DNAJB1: variants seen among roughly 807,000 people sequenced by gnomAD.
DNAJB1 encodes the protein dnaJ homolog subfamily B member 1.
DNAJB1 carries 14 observed loss-of-function variants against 24.0 expected under a neutral mutation model. The ratio of observed to expected loss-of-function variants is 0.58; its 90% confidence interval spans 0.39 to 0.91. The LOEUF is 0.91. DNAJB1 is among the 40% of genes least tolerant of loss of function. The pLI, the probability that DNAJB1 is intolerant of heterozygous loss-of-function variation, is 0.00. For missense variants in DNAJB1, 517 were observed against 458.1 expected, an observed-to-expected ratio of 1.13 and a Z score of -1.17; for synonymous variants, 262 against 174.4, an observed-to-expected ratio of 1.50 and a Z score of -3.96.
At chr19:14,559,561 TG>T (rs2073843634) in intron 1 of DNAJB1, among the ~76,000 whole-genome samples, 1 of 151,936 alleles carries the variant, frequency 6.6e-6, no homozygotes, top group South Asian at 2.1e-4. Context: ...GCCGAGGTGG[TG>T]GATTGCCTGA....
upstream of DNAJB1, chr19:14,530,901 A>T (rs1346929498): frequency 6.6e-6 from 1 of 152,212 alleles, no homozygotes; most frequent in African/African-American, 2.4e-5. Context: ...TGCATCTTGG[A>T]AAACAGAAGC....
At chr19:14,532,834 G>A (rs567175310), upstream of DNAJB1, among the ~76,000 whole-genome samples, 1 of 152,342 alleles carries the variant, frequency 6.6e-6, no homozygotes, top group Admixed American at 6.5e-5. Context: ...TTCTGGCCGG[G>A]CGAGGTGGCT....
At position 14,515,876 on chromosome 19, in the gene DNAJB1, GA is replaced by G; in HGVS notation, c.*63del. 1 of 1,505,694 alleles carries G rather than the reference GA, an allele frequency of 6.6e-7. No individual in the cohort carries two copies. The allele number at this position is 1,505,694 out of a possible 1,614,324, so 93.3% of individuals were successfully genotyped here. A position where few individuals can be genotyped will look rare whatever the true frequency, so the allele number is the denominator to read the frequency against. On this transcript the variant is annotated 3_prime_UTR_variant, in exon 3 of 3. Coordinates refer to ENST00000254322, the MANE Select transcript of DNAJB1 (RefSeq NM_006145.3). ...ACCCTCTCATGGTCCACAACTGGTA[GA>G]AAGGTCCAGAAATCCTTGAGCTCTG...
In DNAJB1 at chr19:14,546,991, A is replaced by G. The variant is rs535261649; in HGVS notation, c.-214+3217T>C. Among the ~76,000 whole-genome samples, 13 of 152,294 alleles carry G rather than the reference A, an allele frequency of 8.5e-5. No individual in the cohort carries two copies. The South Asian group carries it at 1.9e-3, about 22-fold the overall frequency. ...ATTACAGGCATGAGCCACTGCACCC[A>G]GCCTAAAAATTAAATTTCAATTTGA... On this transcript the variant is annotated intron_variant, in intron 1 of 3. Transcript: ENST00000676982.
chr19:14,523,779 G>A (rs947501258), intron 2 of DNAJB1, among the ~76,000 whole-genome samples: 30 of 151,950 alleles, frequency 2.0e-4, no homozygotes, highest in African/African-American at 6.0e-4. Context: ...CACCATGCCC[G>A]GCTAATTTTT....
upstream of DNAJB1, among the ~76,000 whole-genome samples, chr19:14,519,642 C>T (rs951906351): frequency 6.6e-6 from 1 of 152,218 alleles, no homozygotes; most frequent in Non-Finnish European, 1.5e-5. Flanking sequence ...TCTGACATCG[C>T]CACCTGGGCA....
At chr19:14,536,151 C>T (rs1235182408) in intron 1 of DNAJB1, among the ~76,000 whole-genome samples, 1 of 152,136 alleles carries the variant, frequency 6.6e-6, no homozygotes, top group East Asian at 1.9e-4. Flanking sequence ...TTGATTGATA[C>T]TCTTCCTGGG....
At chr19:14,548,676 C>T (rs1443043771) in intron 1 of DNAJB1, among the ~76,000 whole-genome samples, 1 of 152,090 alleles carries the variant, frequency 6.6e-6, no homozygotes, top group Non-Finnish European at 1.5e-5. Flanking sequence ...TTCCCAGGTT[C>T]AAGCAATTCT....
At chr19:14,544,321 G>A (rs2073228813) in intron 1 of DNAJB1, among the ~76,000 whole-genome samples, 1 of 152,086 alleles carries the variant, frequency 6.6e-6, no homozygotes, top group Non-Finnish European at 1.5e-5. Context: ...TGTAACCCCT[G>A]GCCCTGGGGA....
chr19:14,529,672 G>A (rs182986875), upstream of DNAJB1: 30 of 1,613,834 alleles, frequency 1.9e-5, no homozygotes, highest in East Asian at 5.8e-4. Flanking sequence ...CAGCCGCGGA[G>A]CAGTAGCCGC....
At chr19:14,557,764 C>CT (rs761705626) in intron 1 of DNAJB1, among the ~76,000 whole-genome samples, 339 of 137,886 alleles carry the variant, frequency 2.5e-3, no homozygotes, top group Non-Finnish European at 4.0e-3. Flanking sequence ...CATATTTATT[C>CT]TTTTTTTTTG....
chr19:14,544,959 A>G (rs1327578196), intron 1 of DNAJB1, among the ~76,000 whole-genome samples: 1 of 152,060 alleles, frequency 6.6e-6, no homozygotes, highest in Non-Finnish European at 1.5e-5. Context: ...CCATTGACAC[A>G]TCAGAATCTA....
At chr19:14,537,098 A>AG (rs993996016) in intron 1 of DNAJB1, among the ~76,000 whole-genome samples, 4 of 112,562 alleles carry the variant, frequency 3.6e-5, no homozygotes, top group African/African-American at 6.8e-5. Flanking sequence ...GAGGAGGAGG[A>AG]GGGGGCAGGG....
At chr19:14,522,018 G>A (rs558864057), upstream of DNAJB1, among the ~76,000 whole-genome samples, 3 of 152,148 alleles carry the variant, frequency 2.0e-5, no homozygotes, top group South Asian at 6.2e-4. Context: ...TAATGGACAT[G>A]GTACTGTGAC....
intron 1 of DNAJB1, among the ~76,000 whole-genome samples, chr19:14,538,513 A>ATTCC (rs916939922): frequency 6.8e-5 from 10 of 147,334 alleles, no homozygotes; most frequent in African/African-American, 2.5e-4. Context: ...ACCTCTTTGG[A>ATTCC]AGGCCTCAAA....
rs2072385884 is a variant in DNAJB1 at position 14,523,569 on chromosome 19, C to T, written c.-90+4157G>A. Among the ~76,000 whole-genome samples the T allele has an allele frequency of 2.0e-5, 3 of 151,608 alleles. No homozygotes were observed. The South Asian group carries it at 6.2e-4, about 32-fold the overall frequency. The stretch of plus-strand genomic sequence containing the variant: ...TCTCATGATCCACCCACCTTGGCCT[C>T]CCAAAGTGCTGGGATTACAAGGGTT... On this transcript the variant is annotated intron_variant, in intron 2 of 3. Coordinates refer to the DNAJB1 transcript ENST00000396969.
At chr19:14,529,589 G>A (rs1210412160), upstream of DNAJB1, 12 of 1,562,560 alleles carry the variant, frequency 7.7e-6, no homozygotes, top group Non-Finnish European at 1.1e-5. Context: ...CGGACGCAGA[G>A]CCGCGTTTAG....
rs765671953 is a variant in DNAJB1, at chr19:14,516,952, A to G, written c.306T>C (p.Phe102=). 6.8e-6 allele frequency: 11 copies of G among 1,613,702 alleles called. No homozygotes were observed. Among genetic ancestry groups the G allele is most frequent in the Non-Finnish European group, 9.3e-6 (11 of 1,180,022 alleles). ...YTFHGDPHAM[F]AEFFGGRNPF... is the part of the protein sequence containing the mutation. The stretch of plus-strand genomic sequence containing the variant: ...GATTTCTGCCACCGAAGAACTCAGC[A>G]AACATGGCATGAGGGTCTCCATGGA... The change falls in exon 2 of 3, where the codon TTT becomes TTC. Residue 102 remains phenylalanine, a synonymous_variant. Transcript: ENST00000254322.
At chr19:14,550,137 A>G (rs1329253971) in intron 1 of DNAJB1, among the ~76,000 whole-genome samples, 4 of 151,912 alleles carry the variant, frequency 2.6e-5, no homozygotes, top group East Asian at 1.9e-4. Flanking sequence ...CTCTCCTTCT[A>G]TAGCTGAACC....
Sources: allele counts gnomAD v4.1 joint callset (sites outside exome capture counted in the v4.1 genomes callset), GRCh38; gene constraint gnomAD v4.1.1; transcripts MANE v1.5; gene names NCBI Gene and HGNC (gene_info 2026-07-23, HGNC 2026-07-21).